ALMS1: variants seen among roughly 807,000 people sequenced by gnomAD.
The protein encoded by ALMS1 is centrosome-associated protein ALMS1.
In ALMS1, 271 loss-of-function variants were observed where a neutral mutation model predicts 352.2. The ratio of observed to expected loss-of-function variants is 0.77; its 90% CI spans 0.70 to 0.85. The LOEUF is 0.85. ALMS1 is among the 40% of genes least tolerant of loss of function. ALMS1 has a pLI of 0.00. For synonymous variants in ALMS1, 1,865 were observed against 1,761.2 expected, an observed-to-expected ratio of 1.06 and a Z score of -1.48; for missense variants, 5,445 against 4,870.7, an observed-to-expected ratio of 1.12 and a Z score of -3.51.
At chr2:73,396,110 G>A (rs1265061050) in intron 1 of ALMS1, among the ~76,000 whole-genome samples, 1 of 151,966 alleles carries the variant, frequency 6.6e-6, no homozygotes, top group Non-Finnish European at 1.5e-5. Flanking sequence ...GTTAGTTGTG[G>A]GTTTTTAATA....
In ALMS1 at chr2:73,609,601, C is replaced by T. The variant is rs267599450; in HGVS notation, c.12496C>T (p.Pro4166Ser). 5.6e-6 allele frequency: 9 copies of T among 1,614,018 alleles called. No individual in the cohort carries two copies. The highest frequency in any genetic ancestry group is 3.3e-5 in the South Asian group (3 of 91,066). Residue 4166 changes from proline (P) to serine (S), a missense_variant, in exon 23 of 23, where the codon CCC becomes TCC. By Grantham distance (74) the Pro-to-Ser change is moderately conservative. Coordinates refer to ENST00000613296, the MANE Select transcript of ALMS1 (RefSeq NM_001378454.1). Reference protein sequence around the residue: ...VTNQLLGRKVPWD With the variant: ...VTNQLLGRKVSWD ...CAATCAACTTCTGGGGAGAAAAGTT[C>T]CCTGGGACTGACACAAGTTTATTTT... is the stretch of plus-strand genomic sequence containing the variant.
rs1671244566 is a variant in ALMS1 at position 73,419,427 on chromosome 2, C to T, written c.646+109C>T. ...TTTGAGTTAAGGAGCTCTGTAGAGA[C>T]CTACTCAGAGGGATTAGCTTATTTC... On this transcript the variant is annotated intron_variant, in intron 3 of 22. Transcript: ENST00000613296. 5.9e-6 allele frequency: 6 copies of T among 1,020,290 alleles called. No individual in the cohort carries two copies. In the South Asian group the frequency reaches 6.6e-5, roughly 11 times the overall value. 63.2% of individuals were successfully genotyped at this position (1,020,290 alleles called of 1,614,324 possible).
intron 1 of ALMS1, among the ~76,000 whole-genome samples, chr2:73,394,638 C>G (rs1670716957): frequency 1.3e-5 from 2 of 152,216 alleles, no homozygotes; most frequent in African/African-American, 4.8e-5. Context: ...GCGTGAGCCA[C>G]CGTGCCTGGC....
intron 4 of ALMS1, among the ~76,000 whole-genome samples, chr2:73,423,944 A>T (rs1357895848): frequency 6.6e-6 from 1 of 151,808 alleles, no homozygotes; most frequent in South Asian, 2.1e-4. Context: ...TGCCCAGCCA[A>T]TTTTTAATTT....
chr2:73,426,670 G>A (rs983122141), intron 6 of ALMS1, 117 bp downstream of exon 6: 9 of 1,013,684 alleles, frequency 8.9e-6, no homozygotes, highest in African/African-American at 8.0e-5. Context: ...CATGACCAAT[G>A]TCATTTGACT....
intron 11 of ALMS1, among the ~76,000 whole-genome samples, chr2:73,533,918 A>C (rs1041874055): frequency 1.3e-5 from 2 of 152,178 alleles, no homozygotes; most frequent in African/African-American, 4.8e-5. Context: ...CACTTTGTAA[A>C]AAGAATTTAC....
chr2:73,490,671 T>G lies in ALMS1; in HGVS notation c.8712T>G (p.His2904Gln). The change falls in exon 10 of 23, where the codon CAT (histidine) becomes CAG (glutamine). Residue 2904 changes from histidine to glutamine, a missense_variant. Physicochemically the swap from His to Gln is conservative, Grantham distance 24. Coordinates refer to ENST00000613296, the MANE Select transcript of ALMS1 (RefSeq NM_001378454.1). ...CAGATGACCATGTGAGGAAACACCA[T>G]TCTCCCTCTCCTCAACATCAGGATT... ...PRADDHVRKH[H>Q]SPSPQHQDYV... The G allele has an allele frequency of 6.2e-7, 1 of 1,614,082 alleles. No homozygotes were observed. The highest frequency in any genetic ancestry group is 1.7e-5 in the Admixed American group (1 of 60,018).
intron 11 of ALMS1, among the ~76,000 whole-genome samples, chr2:73,522,990 C>A (rs1300371590): frequency 6.6e-6 from 1 of 152,188 alleles, no homozygotes; most frequent in Non-Finnish European, 1.5e-5. Context: ...TAGGTGGCTC[C>A]TGTCCCTGGT....
intron 9 of ALMS1, among the ~76,000 whole-genome samples, chr2:73,485,878 A>T (rs1672829621): frequency 6.6e-6 from 1 of 151,808 alleles, no homozygotes; most frequent in Admixed American, 6.6e-5. Context: ...AGGAAAGGGA[A>T]CTCCCTGACC....
intron 1 of ALMS1, 86 bp downstream of exon 1, chr2:73,386,278 C>G: frequency 2.1e-6 from 3 of 1,410,144 alleles, no homozygotes; most frequent in Non-Finnish European, 1.8e-6. Flanking sequence ...CCGCAGGTCA[C>G]GCCGCCTGAC....
In ALMS1 at chr2:73,387,798, C is replaced by T. The variant is rs59077353; in HGVS notation, c.324+1606C>T. Reference sequence around the variant, plus strand: ...GGGAGCAGTAGCCATAGGTCAAGGGCATAAATTAGGAGACCATTGCAGCAT... The same window carrying T: ...GGGAGCAGTAGCCATAGGTCAAGGGTATAAATTAGGAGACCATTGCAGCAT... On this transcript the variant is annotated intron_variant, in intron 1 of 22. Coordinates refer to ENST00000613296, the MANE Select transcript of ALMS1 (RefSeq NM_001378454.1). 5.1e-3 allele frequency among the ~76,000 whole-genome samples: 775 copies of T among 152,098 alleles called. 26 individuals are homozygous for T. In the East Asian group the frequency reaches 0.12, roughly 23 times the overall value.
intron 21 of ALMS1, chr2:73,603,508 A>C: frequency 1.8e-6 from 1 of 569,830 alleles, no homozygotes; most frequent in Non-Finnish European, 3.2e-6. Context: ...AAGATGAAAA[A>C]CTTCTCACTA....
intron 9 of ALMS1, among the ~76,000 whole-genome samples, chr2:73,479,117 G>A (rs978436574): frequency 1.3e-5 from 2 of 152,048 alleles, no homozygotes; most frequent in African/African-American, 2.4e-5. Context: ...CATTTTTAAA[G>A]TGTTAGTTTT....
At chr2:73,560,132 G>A (rs1674626493) in intron 15 of ALMS1, among the ~76,000 whole-genome samples, 1 of 152,186 alleles carries the variant, frequency 6.6e-6, no homozygotes, top group Admixed American at 6.5e-5. Context: ...TCATGGATCT[G>A]ATAAGGGATT....
chr2:73,418,103 T>C (rs187070726), intron 2 of ALMS1, among the ~76,000 whole-genome samples: 1 of 152,352 alleles, frequency 6.6e-6, no homozygotes, highest in African/African-American at 2.4e-5. Flanking sequence ...TTAATTTCAT[T>C]TTTCTAGTTA....
intron 9 of ALMS1, among the ~76,000 whole-genome samples, chr2:73,465,389 A>C (rs1672312060): frequency 6.6e-6 from 1 of 152,242 alleles, no homozygotes; most frequent in South Asian, 2.1e-4. Flanking sequence ...AAATGGGGAA[A>C]GGATTCCCTA....
At chr2:73,492,057 A>G (rs1249295110) in intron 10 of ALMS1, among the ~76,000 whole-genome samples, 1 of 152,194 alleles carries the variant, frequency 6.6e-6, no homozygotes, top group Non-Finnish European at 1.5e-5. Context: ...GCTCCCTGAT[A>G]TGATGCCCCA....
intron 7 of ALMS1, among the ~76,000 whole-genome samples, chr2:73,437,255 A>G (rs901705889): frequency 1.3e-5 from 2 of 152,156 alleles, no homozygotes; most frequent in African/African-American, 4.8e-5. Context: ...ATCTGGGGGC[A>G]GGTTCATTGG....
intron 9 of ALMS1, among the ~76,000 whole-genome samples, chr2:73,484,198 G>A (rs1457016039): frequency 9.9e-5 from 15 of 151,808 alleles, no homozygotes; most frequent in Non-Finnish European, 1.8e-4. Flanking sequence ...GCATGATTTT[G>A]CAGCGGCTGG....
Sources: gnomAD v4.1 joint callset for allele counts (sites outside exome capture counted in the v4.1 genomes callset) on GRCh38, gnomAD v4.1.1 for gene constraint, MANE v1.5 for transcripts, NCBI Gene and HGNC (gene_info 2026-07-23, HGNC 2026-07-21) for gene names.